Variants in DAB1 observed in about 807,000 individuals in gnomAD.
The protein encoded by DAB1 is DAB adaptor protein 1.
A neutral mutation model predicts 64.6 loss-of-function variants in DAB1; 15 were observed. The ratio of observed to expected loss-of-function variants is 0.23; its 90% CI spans 0.16 to 0.36. The LOEUF (loss-of-function observed/expected upper bound fraction) is 0.36, where lower values mean the gene tolerates loss of function less well. DAB1 is among the 10% of genes least tolerant of loss of function. DAB1 has a pLI of 1.00. For missense variants in DAB1, 596 were observed against 706.7 expected (o/e 0.84, Z 1.78); for synonymous variants, 235 against 251.9 (o/e 0.93, Z 0.64).
At chr1:58,543,993 A>C (rs894473377) in intron 1 of DAB1, among the ~76,000 whole-genome samples, 12 of 152,218 alleles carry the variant, frequency 7.9e-5, no homozygotes, top group African/African-American at 2.9e-4. Flanking sequence ...TGTATCGCAC[A>C]GTACAGGTTT....
At chr1:57,329,544 T>G (rs754519440) in intron 1 of DAB1, among the ~76,000 whole-genome samples, 1 of 152,150 alleles carries the variant, frequency 6.6e-6, no homozygotes, top group South Asian at 2.1e-4. Flanking sequence ...TTTGAAACCT[T>G]TCTTCAGTGT....
chr1:57,372,877 C>A (rs1680609931), intron 1 of DAB1, among the ~76,000 whole-genome samples: 1 of 152,036 alleles, frequency 6.6e-6, no homozygotes, highest in South Asian at 2.1e-4. Flanking sequence ...CCATGTCTAC[C>A]TTAAAGAAAT....
At chr1:58,495,828 G>A (rs1483905570) in intron 3 of DAB1, among the ~76,000 whole-genome samples, 2 of 152,134 alleles carry the variant, frequency 1.3e-5, no homozygotes, top group Non-Finnish European at 2.9e-5. Flanking sequence ...AAGAACTTAG[G>A]AGGAAAGAAA....
At chr1:57,506,913 T>A (rs1644350420) in intron 7 of DAB1, among the ~76,000 whole-genome samples, 1 of 152,170 alleles carries the variant, frequency 6.6e-6, no homozygotes, top group South Asian at 2.1e-4. Context: ...CCCTCTCCTC[T>A]CCATTCCCAC....
At chr1:58,421,579 C>T (rs1450815909) in intron 3 of DAB1, among the ~76,000 whole-genome samples, 1 of 152,164 alleles carries the variant, frequency 6.6e-6, no homozygotes, top group African/African-American at 2.4e-5. Context: ...AGATGTGTTC[C>T]TCTCAATTTC....
At chr1:58,236,499 A>C (rs749227288) in intron 4 of DAB1, among the ~76,000 whole-genome samples, 2 of 152,206 alleles carry the variant, frequency 1.3e-5, no homozygotes, top group Admixed American at 6.5e-5. Flanking sequence ...ACTGAAAGGC[A>C]GTGTTTCCTT....
intron 1 of DAB1, among the ~76,000 whole-genome samples, chr1:57,354,305 A>G (rs1455536595): frequency 6.6e-6 from 1 of 152,096 alleles, no homozygotes; most frequent in Admixed American, 6.5e-5. Context: ...GCTGCCTTGA[A>G]CCTACTTCCA....
intron 1 of DAB1, among the ~76,000 whole-genome samples, chr1:57,378,692 C>A (rs1192225055): frequency 6.6e-6 from 1 of 152,208 alleles, no homozygotes; most frequent in Non-Finnish European, 1.5e-5. Flanking sequence ...CAAACCACAA[C>A]ATATGCCTTT....
intron 5 of DAB1, among the ~76,000 whole-genome samples, chr1:58,129,915 G>GA (rs1232381625): frequency 6.9e-6 from 1 of 144,268 alleles, no homozygotes; most frequent in South Asian, 2.3e-4. Flanking sequence ...GTGTGGTGCT[G>GA]AAAAAAATGT....
At chr1:57,987,833 TTTTTG>T (rs1299470139) in intron 5 of DAB1, among the ~76,000 whole-genome samples, 2 of 131,650 alleles carry the variant, frequency 1.5e-5, no homozygotes, top group African/African-American at 5.0e-5. Context: ...TGAGAGGGTT[TTTTTG>T]TTTTTTTTGT....
intron 2 of DAB1, among the ~76,000 whole-genome samples, chr1:57,260,526 G>A (rs1411942443): frequency 1.3e-5 from 2 of 152,176 alleles, no homozygotes; most frequent in African/African-American, 4.8e-5. Flanking sequence ...TGAATTCAAA[G>A]CCTGGTACCT....
chr1:57,423,771 C>G (rs1292303432), intron 1 of DAB1, among the ~76,000 whole-genome samples, 159 bp downstream of exon 1: 3 of 152,114 alleles, frequency 2.0e-5, no homozygotes, highest in African/African-American at 7.2e-5. Flanking sequence ...TCGCCATCCT[C>G]CCAGCACCCC....
intron 7 of DAB1, among the ~76,000 whole-genome samples, chr1:57,563,610 C>T (rs144958298): frequency 0.033 from 5,035 of 152,246 alleles, 312 homozygotes; most frequent in African/African-American, 0.11. Context: ...GCTTTTCCAA[C>T]GGTCTTAGCA....
intron 9 of DAB1, among the ~76,000 whole-genome samples, chr1:57,026,775 T>A (rs1267356850): frequency 6.6e-6 from 1 of 152,142 alleles, no homozygotes; most frequent in Non-Finnish European, 1.5e-5. Context: ...CACTGCATCA[T>A]CTCTCTCCCC....
At chr1:57,920,317 C>T (rs1644790052) in intron 5 of DAB1, among the ~76,000 whole-genome samples, 1 of 151,996 alleles carries the variant, frequency 6.6e-6, no homozygotes, top group Non-Finnish European at 1.5e-5. Flanking sequence ...CTTGGAAAAG[C>T]TCCCCCTTTT....
At chr1:57,019,057 G>A (rs927405727) in intron 11 of DAB1, among the ~76,000 whole-genome samples, 3 of 152,148 alleles carry the variant, frequency 2.0e-5, no homozygotes, top group South Asian at 2.1e-4. Flanking sequence ...GGCTTCCACA[G>A]TACCCTGTGC....
intron 6 of DAB1, among the ~76,000 whole-genome samples, chr1:57,786,618 T>A (rs1348271788): frequency 6.6e-6 from 1 of 152,188 alleles, no homozygotes; most frequent in Non-Finnish European, 1.5e-5. Context: ...TTAACAACCC[T>A]ATGAGGTAAG....
At chr1:58,076,308 G>A (rs1035165695) in intron 5 of DAB1, among the ~76,000 whole-genome samples, 3 of 152,158 alleles carry the variant, frequency 2.0e-5, no homozygotes, top group African/African-American at 7.2e-5. Flanking sequence ...AAAGTCACAG[G>A]TGATAAGCAG....
At chr1:58,255,450 CT>C (rs1660907665) in intron 4 of DAB1, among the ~76,000 whole-genome samples, 1 of 141,890 alleles carries the variant, frequency 7.0e-6, no homozygotes, top group Non-Finnish European at 1.5e-5. Context: ...CTCTCTCTCT[CT>C]CCTTCTATAC....
Sources: gnomAD v4.1 joint callset for allele counts (sites outside exome capture counted in the v4.1 genomes callset) on GRCh38, gnomAD v4.1.1 for gene constraint, MANE v1.5 for transcripts, NCBI Gene and HGNC (gene_info 2026-07-23, HGNC 2026-07-21) for gene names.